Variants in KIAA0930 observed in about 807,000 individuals in gnomAD.
The protein encoded by KIAA0930 is uncharacterized protein KIAA0930.
KIAA0930 carries 24 observed loss-of-function variants against 43.9 expected under a neutral mutation model. The ratio of observed to expected loss-of-function variants is 0.55; its 90% confidence interval spans 0.40 to 0.77. The LOEUF (loss-of-function observed/expected upper bound fraction) is 0.77, where lower values mean the gene tolerates loss of function less well. KIAA0930 is among the 30% of genes least tolerant of loss of function. The pLI is 0.00. For missense variants in KIAA0930, 461 were observed against 574.2 expected (o/e 0.80, Z 2.02); for synonymous variants, 259 against 216.4 (o/e 1.20, Z -1.73).
At chr22:45,211,041 C>T (rs558162547) in intron 2 of KIAA0930, among the ~76,000 whole-genome samples, 1 of 152,290 alleles carries the variant, frequency 6.6e-6, no homozygotes, top group East Asian at 1.9e-4. Flanking sequence ...GGCTCGGGGC[C>T]AGCATGCAGG....
intron 1 of KIAA0930, among the ~76,000 whole-genome samples, chr22:45,232,547 CT>C (rs1200215682): frequency 9.6e-5 from 14 of 146,564 alleles, no homozygotes; most frequent in African/African-American, 3.4e-4. Flanking sequence ...TGAGTCTCCC[CT>C]GTCTGTGTCA....
chr22:45,223,247 G>A lies in KIAA0930; in HGVS notation c.65-11140C>T, dbSNP rs562726519. On this transcript the variant is annotated intron_variant, in intron 1 of 9. Coordinates refer to ENST00000336156, the MANE Select transcript of KIAA0930 (RefSeq NM_001009880.2). The stretch of plus-strand genomic sequence containing the variant: ...ATTGAAGCAACTCTATCTGTTCCAA[G>A]GAAGAAAGTTCTCTAGAATAAATGA... Among the ~76,000 whole-genome samples the A allele has an allele frequency of 2.0e-5, 3 of 152,326 alleles. No individual in the cohort carries two copies. The South Asian group carries it at 6.2e-4, about 32-fold the overall frequency.
intron 1 of KIAA0930, among the ~76,000 whole-genome samples, chr22:45,214,306 C>T (rs755235500): frequency 6.6e-6 from 1 of 152,168 alleles, no homozygotes; most frequent in Non-Finnish European, 1.5e-5. Context: ...AGCACATGTC[C>T]ACAGAGACTG....
rs1294602016 is a variant in KIAA0930 at position 45,193,486 on chromosome 22, T to C, written c.*3690A>G. On this transcript the variant is annotated 3_prime_UTR_variant, in exon 10 of 10. Transcript: ENST00000336156. ...CTTCTACTAACTAGTCTATTTATGA[T>C]TAAAACAGCAAAAACAGATCCTGGT... is the stretch of plus-strand genomic sequence containing the variant. 1 of 152,198 alleles carries C rather than the reference T, an allele frequency of 6.6e-6. No individual in the cohort carries two copies. The highest frequency in any genetic ancestry group is 1.9e-4 in the East Asian group (1 of 5,196). The allele number at this position is 152,198 out of a possible 1,614,324, so 9.4% of individuals were successfully genotyped here. A position where few individuals can be genotyped will look rare whatever the true frequency, so the allele number is the denominator to read the frequency against.
At chr22:45,201,750 C>T (rs5766533) in intron 7 of KIAA0930, among the ~76,000 whole-genome samples, 30,666 of 152,072 alleles carry the variant, frequency 0.2, 3,330 homozygotes, top group East Asian at 0.4. Context: ...ATACCTCCCC[C>T]CCAAAAAAAG....
rs775081076 is a variant in KIAA0930, at chr22:45,203,961, C to T, written c.541G>A (p.Glu181Lys). The T allele has an allele frequency of 5.6e-6, 9 of 1,613,954 alleles. No homozygotes were observed. The South Asian group carries it at 9.9e-5, about 18-fold the overall frequency. Residue 181 changes from glutamate (E) to lysine (K), a missense_variant, in exon 6 of 10, where the codon GAA becomes AAA. Physicochemically the swap from Glu to Lys is moderately conservative, Grantham distance 56. Coordinates refer to ENST00000336156, the MANE Select transcript of KIAA0930 (RefSeq NM_001009880.2). ...AGCTCCACACAGACCATCTCTCCTT[C>T]CCCTACGGTCATGTCGCTGAACACC... is the stretch of plus-strand genomic sequence containing the variant. ...EEVFSDMTVG[E>K]GEMVCVELVA...
At chr22:45,230,158 A>T (rs966271936) in intron 1 of KIAA0930, among the ~76,000 whole-genome samples, 1 of 152,196 alleles carries the variant, frequency 6.6e-6, no homozygotes, top group East Asian at 1.9e-4. Flanking sequence ...CCTGGACCTC[A>T]GCCACAGCTG....
chr22:45,217,179 C>T (rs1165829774), intron 1 of KIAA0930, among the ~76,000 whole-genome samples: 4 of 151,836 alleles, frequency 2.6e-5, no homozygotes, highest in Non-Finnish European at 4.4e-5. Flanking sequence ...TAGCCAACAT[C>T]GCAAAACCCC....
Position 45,203,968 on chromosome 22 carries a change from G to C in KIAA0930, c.534C>G (p.Thr178=). ...DSFEEVFSDM[T]VGEGEMVCVE... is the part of the protein sequence containing the mutation. ...CACAGACCATCTCTCCTTCCCCTAC[G>C]GTCATGTCGCTGAACACCTGGGCCA... is the stretch of plus-strand genomic sequence containing the variant. The change falls in exon 6 of 10, where the codon ACC becomes ACG. Residue 178 remains threonine, a synonymous_variant. Transcript: ENST00000336156. The C allele has an allele frequency of 6.2e-7, 1 of 1,613,994 alleles. No homozygotes were observed. Among genetic ancestry groups the C allele is most frequent in the African/African-American group, 1.3e-5 (1 of 75,012 alleles).
At position 45,202,992 on chromosome 22, in the gene KIAA0930, G is replaced by A. The variant is rs141939946; in HGVS notation, c.850C>T (p.Arg284Trp). The A allele has an allele frequency of 2.1e-5, 33 of 1,605,116 alleles. No homozygotes were observed. Among genetic ancestry groups the A allele is most frequent in the Middle Eastern group, 1.7e-4 (1 of 6,048 alleles). ...GCCCCCAGCTGTGCAGCCCTTACCC[G>A]CTCGTGCATGGGCGAAGCTGGGCTG... is the stretch of plus-strand genomic sequence containing the variant. ...DSSPASPMHE[R>W]VTSFSTPPTP... Residue 284 changes from arginine to tryptophan, a missense_variant and splice_region_variant, in exon 7 of 10, where the codon CGG becomes TGG. Arg to Trp is a moderately radical substitution (Grantham distance 101). Coordinates refer to ENST00000336156, the MANE Select transcript of KIAA0930 (RefSeq NM_001009880.2).
chr22:45,232,525 C>T (rs189017655), intron 1 of KIAA0930, among the ~76,000 whole-genome samples: 10 of 152,240 alleles, frequency 6.6e-5, no homozygotes, highest in Non-Finnish European at 8.8e-5. Flanking sequence ...TTGAGACAGT[C>T]GGGGTCCACT....
At chr22:45,220,996 C>T (rs2083764600) in intron 1 of KIAA0930, among the ~76,000 whole-genome samples, 1 of 152,116 alleles carries the variant, frequency 6.6e-6, no homozygotes. Flanking sequence ...TCCACCCTGC[C>T]CACTGTTAGA....
intron 1 of KIAA0930, chr22:45,212,499 G>C: frequency 7.0e-7 from 1 of 1,429,896 alleles, no homozygotes; most frequent in Non-Finnish European, 9.1e-7. Flanking sequence ...CTTTGGAGAG[G>C]CAGGGCTCTC....
chr22:45,231,528 C>T (rs186058380), intron 1 of KIAA0930, among the ~76,000 whole-genome samples: 44 of 152,194 alleles, frequency 2.9e-4, no homozygotes, highest in Middle Eastern at 3.4e-3. Context: ...CCTGTACCTG[C>T]CTGCCACCAC....
intron 1 of KIAA0930, chr22:45,226,732 C>T (rs546553145): frequency 3.1e-5 from 5 of 159,912 alleles, no homozygotes; most frequent in Admixed American, 2.5e-4. Flanking sequence ...GCTGACCGAC[C>T]GACCGACCAC....
At chr22:45,233,042 G>A (rs1445748710) in intron 1 of KIAA0930, among the ~76,000 whole-genome samples, 2 of 152,128 alleles carry the variant, frequency 1.3e-5, no homozygotes, top group East Asian at 1.9e-4. Flanking sequence ...GAGCAGGCCA[G>A]ATCAGGAAGG....
chr22:45,240,692 G>T lies in KIAA0930; in HGVS notation c.12C>A (p.Ala4=). MLR[A]IAEERGRLSL... is the part of the protein sequence containing the mutation. ...TAAGACGGCCGCGCTCCTCCGCTAT[G>T]GCACGCAGCATGTGCTGCAGCGAGC... Residue 4 remains alanine (A), a synonymous_variant, in exon 1 of 10, where the codon GCC becomes GCA. Transcript: ENST00000336156. 7.1e-7 allele frequency: 1 copy of T among 1,414,408 alleles called. No homozygotes were observed. The highest frequency in any genetic ancestry group is 1.3e-5 in the South Asian group (1 of 79,560). The allele number at this position is 1,414,408 out of a possible 1,614,324, so 87.6% of individuals were successfully genotyped here. A position where few individuals can be genotyped will look rare whatever the true frequency, so the allele number is the denominator to read the frequency against.
intron 1 of KIAA0930, among the ~76,000 whole-genome samples, chr22:45,220,311 C>T (rs965401270): frequency 2.0e-5 from 3 of 151,728 alleles, no homozygotes; most frequent in Admixed American, 6.6e-5. Flanking sequence ...AAAAATTAGC[C>T]GGGTGCGGTG....
At chr22:45,207,319 T>C (rs937465254) in intron 2 of KIAA0930, among the ~76,000 whole-genome samples, 1 of 137,682 alleles carries the variant, frequency 7.3e-6, no homozygotes, top group African/African-American at 2.7e-5. Context: ...CCTCAATTTA[T>C]TTCTTATTTT....
Sources: gnomAD v4.1 joint callset for allele counts (sites outside exome capture counted in the v4.1 genomes callset) on GRCh38, gnomAD v4.1.1 for gene constraint, MANE v1.5 for transcripts, NCBI Gene and HGNC (gene_info 2026-07-23, HGNC 2026-07-21) for gene names.